The following GABRB1 variants were observed in gnomAD, a reference collection of about 807,000 sequenced individuals.
GABRB1 encodes gamma-aminobutyric acid receptor subunit beta-1.
A neutral mutation model predicts 51.6 loss-of-function variants in GABRB1; 17 were observed. The ratio of observed to expected loss-of-function variants is 0.33; its 90% CI spans 0.23 to 0.49. The LOEUF (loss-of-function observed/expected upper bound fraction) is 0.49. Ranked by LOEUF, GABRB1 falls within the 20% of genes least tolerant of loss-of-function variation. GABRB1 has a pLI of 0.99. For missense variants in GABRB1, 410 were observed against 600.6 expected, an observed-to-expected ratio of 0.68 and a Z score of 3.32; for synonymous variants, 247 against 218.9, an observed-to-expected ratio of 1.13 and a Z score of -1.14.
intron 3 of GABRB1, among the ~76,000 whole-genome samples, chr4:47,153,312 C>G (rs1008003911): frequency 1.3e-5 from 2 of 151,978 alleles, no homozygotes; most frequent in Non-Finnish European, 2.9e-5. Context: ...GAAAACTTTC[C>G]CTACTTCAGG....
chr4:47,218,675 C>T (rs1244202833), intron 4 of GABRB1, among the ~76,000 whole-genome samples: 7 of 151,716 alleles, frequency 4.6e-5, no homozygotes, highest in Non-Finnish European at 1.0e-4. Flanking sequence ...GTTTTCATGT[C>T]TGCTTCCAGT....
At chr4:47,423,109 A>G (rs1300627595) in intron 8 of GABRB1, among the ~76,000 whole-genome samples, 1 of 151,490 alleles carries the variant, frequency 6.6e-6, no homozygotes, top group African/African-American at 2.4e-5. Context: ...ATATATGCTA[A>G]AGGATATGTG....
At chr4:47,007,486 T>G (rs1253557085) in intron 1 of GABRB1, among the ~76,000 whole-genome samples, 2 of 152,174 alleles carry the variant, frequency 1.3e-5, no homozygotes, top group Non-Finnish European at 2.9e-5. Flanking sequence ...CATAAATGAT[T>G]TTAACAGCAC....
chr4:47,084,193 G>T (rs1727971730), intron 3 of GABRB1, among the ~76,000 whole-genome samples: 2 of 152,138 alleles, frequency 1.3e-5, no homozygotes, highest in African/African-American at 4.8e-5. Flanking sequence ...TAAACAGAAT[G>T]TGTTGGGCTG....
At chr4:47,038,182 T>C (rs1388475603) in intron 3 of GABRB1, among the ~76,000 whole-genome samples, 4 of 152,102 alleles carry the variant, frequency 2.6e-5, no homozygotes, top group East Asian at 1.9e-4. Context: ...GGTAGGTGAG[T>C]CAATCACAAG....
intron 4 of GABRB1, among the ~76,000 whole-genome samples, chr4:47,217,085 G>A (rs975628348): frequency 7.2e-5 from 11 of 151,746 alleles, no homozygotes; most frequent in African/African-American, 2.7e-4. Context: ...TAATAAATAG[G>A]CAAGACATAG....
intron 4 of GABRB1, among the ~76,000 whole-genome samples, chr4:47,293,269 G>A (rs1438821898): frequency 6.6e-6 from 1 of 152,068 alleles, no homozygotes; most frequent in Non-Finnish European, 1.5e-5. Context: ...AGCCTCCCAA[G>A]TAGCTGGGAT....
chr4:47,094,938 C>T (rs951579812), intron 3 of GABRB1, among the ~76,000 whole-genome samples: 3 of 151,834 alleles, frequency 2.0e-5, no homozygotes, highest in Non-Finnish European at 4.4e-5. Context: ...AGTATACCTG[C>T]TAGGACTCAA....
At chr4:47,250,291 T>C (rs900149467) in intron 4 of GABRB1, among the ~76,000 whole-genome samples, 1 of 152,350 alleles carries the variant, frequency 6.6e-6, no homozygotes, top group Admixed American at 6.5e-5. Flanking sequence ...CAATCCCTTT[T>C]AGCTTGTAGG....
intron 5 of GABRB1, among the ~76,000 whole-genome samples, chr4:47,380,180 G>T (rs1727544183): frequency 6.6e-6 from 1 of 152,128 alleles, no homozygotes; most frequent in Non-Finnish European, 1.5e-5. Flanking sequence ...TTGTTATAAT[G>T]CATATTACTT....
chr4:46,999,696 T>C (rs969968056), intron 1 of GABRB1, among the ~76,000 whole-genome samples: 11 of 152,016 alleles, frequency 7.2e-5, no homozygotes, highest in Non-Finnish European at 1.3e-4. Context: ...AGATAACAAA[T>C]AAAAAAAGAA....
intron 5 of GABRB1, among the ~76,000 whole-genome samples, chr4:47,321,715 C>T (rs1051590616): frequency 1.3e-5 from 2 of 152,150 alleles, no homozygotes; most frequent in Admixed American, 1.3e-4. Flanking sequence ...AAGGATAACT[C>T]ATGGATTTCC....
chr4:47,129,976 A>G (rs1716334494), intron 3 of GABRB1, among the ~76,000 whole-genome samples: 2 of 152,192 alleles, frequency 1.3e-5, no homozygotes, highest in Admixed American at 1.3e-4. Flanking sequence ...ATTGTGTTTT[A>G]TTTTTAAAAC....
intron 5 of GABRB1, among the ~76,000 whole-genome samples, chr4:47,320,494 AGAAAG>A (rs1420920240): frequency 1.3e-5 from 2 of 152,244 alleles, no homozygotes; most frequent in African/African-American, 4.8e-5. Context: ...TGCATTAAAA[AGAAAG>A]GAAAGACATT....
At chr4:47,294,106 A>G (rs1325035160) in intron 4 of GABRB1, among the ~76,000 whole-genome samples, 1 of 152,242 alleles carries the variant, frequency 6.6e-6, no homozygotes, top group Non-Finnish European at 1.5e-5. Context: ...TTACTTAGAA[A>G]TTATCTAGGT....
chr4:47,288,509 G>A (rs576596967), intron 4 of GABRB1, among the ~76,000 whole-genome samples: 68 of 152,026 alleles, frequency 4.5e-4, no homozygotes, highest in Middle Eastern at 3.4e-3. Flanking sequence ...TGATCCGCCC[G>A]CCTCAGCCTC....
chr4:47,402,035 G>T (rs536240314), intron 5 of GABRB1, among the ~76,000 whole-genome samples: 119 of 152,322 alleles, frequency 7.8e-4, no homozygotes, highest in Non-Finnish European at 1.1e-3. Context: ...CAATAGTAAA[G>T]AGGGTCTTAG....
At chr4:47,261,801 G>A (rs1156607486) in intron 4 of GABRB1, among the ~76,000 whole-genome samples, 2 of 152,150 alleles carry the variant, frequency 1.3e-5, no homozygotes, top group Non-Finnish European at 2.9e-5. Context: ...TATACTACAA[G>A]CCTACAGTAA....
At chr4:47,234,035 G>T (rs1261641879) in intron 4 of GABRB1, among the ~76,000 whole-genome samples, 2 of 152,242 alleles carry the variant, frequency 1.3e-5, no homozygotes, top group East Asian at 1.9e-4. Flanking sequence ...TTTAACCACA[G>T]AATTTCTTCT....
Sources: allele counts gnomAD v4.1 joint callset (sites outside exome capture counted in the v4.1 genomes callset), GRCh38; gene constraint gnomAD v4.1.1; transcripts MANE v1.5; gene names NCBI Gene and HGNC (gene_info 2026-07-23, HGNC 2026-07-21).